CDK14: variants seen among roughly 807,000 people sequenced by gnomAD.
The protein encoded by CDK14 is cyclin-dependent kinase 14.
Under a neutral mutation model 60.7 loss-of-function variants are expected in CDK14, and 34 were observed. The observed-to-expected ratio is 0.56, with a 90% CI of 0.43 to 0.75. CDK14 has a LOEUF of 0.75. Among genes scored for constraint, CDK14 ranks in the 30% least tolerant of loss-of-function variants. CDK14 has a pLI of 0.00. For missense variants in CDK14, 482 were observed against 564.1 expected (o/e 0.85, Z 1.47); for synonymous variants, 197 against 203.7 (o/e 0.97, Z 0.28).
intron 14 of CDK14, among the ~76,000 whole-genome samples, chr7:91,139,782 T>C (rs1220972876): frequency 2.0e-5 from 2 of 100,140 alleles, no homozygotes; most frequent in Non-Finnish European, 4.1e-5. Context: ...TCTTTTTTTC[T>C]TTCCTTTCTT....
intron 10 of CDK14, among the ~76,000 whole-genome samples, chr7:91,022,633 T>TTGCCTGTTACC (rs1167077508): frequency 1.3e-5 from 2 of 152,356 alleles, no homozygotes; most frequent in African/African-American, 4.8e-5. Context: ...TTACCATTGT[T>TTGCCTGTTACC]AAGGCTACAG....
At chr7:90,823,478 G>A (rs774583972) in intron 5 of CDK14, among the ~76,000 whole-genome samples, 82 of 152,252 alleles carry the variant, frequency 5.4e-4, no homozygotes, top group South Asian at 1.5e-3. Flanking sequence ...GTACTTTCTC[G>A]TGGCACAAAG....
intron 10 of CDK14, among the ~76,000 whole-genome samples, chr7:91,017,644 T>C (rs987987323): frequency 6.6e-6 from 1 of 152,106 alleles, no homozygotes; most frequent in African/African-American, 2.4e-5. Flanking sequence ...GGTCGATAGG[T>C]GTTTGTGTTT....
intron 10 of CDK14, among the ~76,000 whole-genome samples, chr7:91,014,012 A>G (rs1460217865): frequency 6.6e-6 from 1 of 152,060 alleles, no homozygotes; most frequent in East Asian, 1.9e-4. Context: ...CTGGTATTTA[A>G]GCTGAGGACG....
chr7:91,111,953 G>A (rs10488002), intron 12 of CDK14, among the ~76,000 whole-genome samples: 5,540 of 152,178 alleles, frequency 0.036, 123 homozygotes, highest in Middle Eastern at 0.071. Flanking sequence ...TTGTTTTAAA[G>A]GTCATCTTGA....
intron 5 of CDK14, among the ~76,000 whole-genome samples, chr7:90,811,911 A>G (rs1163545011): frequency 2.0e-5 from 3 of 152,242 alleles, no homozygotes; most frequent in Non-Finnish European, 4.4e-5. Context: ...TCAAAGCCAC[A>G]ATGAGATACC....
At chr7:91,196,679 A>C (rs1802552647) in intron 14 of CDK14, among the ~76,000 whole-genome samples, 1 of 152,246 alleles carries the variant, frequency 6.6e-6, no homozygotes, top group African/African-American at 2.4e-5. Flanking sequence ...GATGGTCTTA[A>C]GTTCAACAAC....
chr7:90,989,001 A>AGTGTGTGTGTGTGTGT (rs10696275), intron 10 of CDK14, among the ~76,000 whole-genome samples: 3 of 149,848 alleles, frequency 2.0e-5, no homozygotes, highest in Admixed American at 6.6e-5. Context: ...TTTGTGTGTG[A>AGTGTGTGTGTGTGTGT]GTGTGTGTGT....
chr7:90,634,702 C>T (rs982224901), intron 2 of CDK14, among the ~76,000 whole-genome samples: 42 of 151,774 alleles, frequency 2.8e-4, no homozygotes, highest in African/African-American at 8.9e-4. Context: ...CCTGAGGAAT[C>T]GCCACACTGA....
At chr7:90,924,502 T>G (rs982303536) in intron 8 of CDK14, among the ~76,000 whole-genome samples, 1 of 152,218 alleles carries the variant, frequency 6.6e-6, no homozygotes, top group African/African-American at 2.4e-5. Flanking sequence ...CTCTACCTTC[T>G]AAAAAGCTCA....
intron 4 of CDK14, among the ~76,000 whole-genome samples, chr7:90,776,580 C>A (rs1424088881): frequency 1.3e-5 from 2 of 152,176 alleles, no homozygotes; most frequent in Non-Finnish European, 2.9e-5. Context: ...ATAGAAAGGT[C>A]ACAGAAGAAG....
At chr7:91,009,728 A>G (rs567120907) in intron 10 of CDK14, among the ~76,000 whole-genome samples, 1 of 152,180 alleles carries the variant, frequency 6.6e-6, no homozygotes, top group Admixed American at 6.5e-5. Context: ...TTTATTCTGG[A>G]TGAGAACTTT....
chr7:91,029,613 G>T (rs7458984), intron 10 of CDK14, among the ~76,000 whole-genome samples: 2,664 of 21,008 alleles, frequency 0.13, 84 homozygotes, highest in African/African-American at 0.26. Context: ...CCTCTCCTCC[G>T]CTCCCCACTC....
At chr7:90,800,766 T>C (rs1453783610) in intron 5 of CDK14, among the ~76,000 whole-genome samples, 1 of 152,214 alleles carries the variant, frequency 6.6e-6, no homozygotes, top group African/African-American at 2.4e-5. Context: ...GCTTATTCTT[T>C]TGTAGTGCTG....
intron 11 of CDK14, among the ~76,000 whole-genome samples, chr7:91,049,622 T>C (rs1797336732): frequency 6.6e-6 from 1 of 152,252 alleles, no homozygotes; most frequent in Non-Finnish European, 1.5e-5. Flanking sequence ...AATGTATTGC[T>C]TTATGGCTAT....
At chr7:90,654,788 A>G (rs1389637293) in intron 2 of CDK14, among the ~76,000 whole-genome samples, 1 of 152,176 alleles carries the variant, frequency 6.6e-6, no homozygotes, top group Non-Finnish European at 1.5e-5. Context: ...TTGCGTGAAT[A>G]TGGTACATTT....
intron 10 of CDK14, among the ~76,000 whole-genome samples, chr7:91,005,101 C>T (rs995868931): frequency 5.9e-5 from 9 of 152,186 alleles, no homozygotes; most frequent in African/African-American, 1.9e-4. Flanking sequence ...AGGCTGGTGG[C>T]GTGAGATTCC....
At chr7:91,005,199 C>G (rs866304214) in intron 10 of CDK14, among the ~76,000 whole-genome samples, 1 of 152,196 alleles carries the variant, frequency 6.6e-6, no homozygotes, top group Non-Finnish European at 1.5e-5. Flanking sequence ...GAAATCCCCT[C>G]CTGGGTTCTA....
intron 11 of CDK14, among the ~76,000 whole-genome samples, chr7:91,053,190 A>G (rs697416): frequency 0.11 from 16,419 of 152,256 alleles, 1,106 homozygotes; most frequent in Non-Finnish European, 0.15. Flanking sequence ...TTAATATATT[A>G]TCTCATTTGA....
Sources: allele counts gnomAD v4.1 joint callset (sites outside exome capture counted in the v4.1 genomes callset), GRCh38; gene constraint gnomAD v4.1.1; transcripts MANE v1.5; gene names NCBI Gene and HGNC (gene_info 2026-07-23, HGNC 2026-07-21).